SPPL3: variants seen among roughly 807,000 people sequenced by gnomAD.
SPPL3 encodes the protein signal peptide peptidase like 3.
SPPL3 carries 5 observed loss-of-function variants against 42.4 expected under a neutral mutation model. The ratio of observed to expected loss-of-function variants is 0.12; its 90% CI spans 0.06 to 0.25. The LOEUF (loss-of-function observed/expected upper bound fraction) is 0.25, where lower values mean the gene tolerates loss of function less well. SPPL3 is among the 10% of genes least tolerant of loss of function. The pLI, the probability that SPPL3 is intolerant of heterozygous loss-of-function variation, is 1.00. For missense variants in SPPL3, 235 were observed against 489.0 expected, an observed-to-expected ratio of 0.48 and a Z score of 4.90; for synonymous variants, 195 against 181.8, an observed-to-expected ratio of 1.07 and a Z score of -0.58.
chr12:120,838,227 T>C (rs1355863115), intron 1 of SPPL3, among the ~76,000 whole-genome samples: 1 of 152,206 alleles, frequency 6.6e-6, no homozygotes, highest in Non-Finnish European at 1.5e-5. Context: ...TGGTAGGTTA[T>C]CAGATACAGG....
chr12:120,881,021 C>T (rs1873261825), intron 1 of SPPL3, among the ~76,000 whole-genome samples: 1 of 151,834 alleles, frequency 6.6e-6, no homozygotes, highest in Non-Finnish European at 1.5e-5. Context: ...CCACTTCATA[C>T]CCATTAGGAT....
intron 1 of SPPL3, among the ~76,000 whole-genome samples, chr12:120,864,147 G>C (rs1313963479): frequency 1.3e-5 from 2 of 152,126 alleles, no homozygotes; most frequent in Admixed American, 1.3e-4. Flanking sequence ...TGTTTCCTCA[G>C]TTGTGAGCTC....
intron 6 of SPPL3, among the ~76,000 whole-genome samples, chr12:120,775,393 C>T (rs1306303765): frequency 6.6e-6 from 1 of 152,234 alleles, no homozygotes; most frequent in Non-Finnish European, 1.5e-5. Context: ...CTCAACTGAT[C>T]TGCCCACCTT....
intron 1 of SPPL3, among the ~76,000 whole-genome samples, chr12:120,828,983 G>T (rs1409683285): frequency 6.6e-6 from 1 of 152,106 alleles, no homozygotes; most frequent in Non-Finnish European, 1.5e-5. Context: ...GGCTGGTCAT[G>T]AGCTCCTGGG....
chr12:120,825,245 A>G (rs561465602), intron 1 of SPPL3, among the ~76,000 whole-genome samples: 1 of 152,364 alleles, frequency 6.6e-6, no homozygotes, highest in South Asian at 2.1e-4. Context: ...TTGAAAAACT[A>G]TATAATCCAG....
chr12:120,877,519 G>A (rs535511639), intron 1 of SPPL3, among the ~76,000 whole-genome samples: 51 of 152,234 alleles, frequency 3.4e-4, no homozygotes, highest in Middle Eastern at 3.4e-3. Context: ...GGTGGCTCGC[G>A]CCTGTAATCC....
At chr12:120,891,327 C>A (rs1450771425) in intron 1 of SPPL3, among the ~76,000 whole-genome samples, 3 of 152,068 alleles carry the variant, frequency 2.0e-5, no homozygotes, top group Non-Finnish European at 4.4e-5. Context: ...CTGGTTTATG[C>A]CTATTCCAGA....
intron 1 of SPPL3, among the ~76,000 whole-genome samples, chr12:120,892,569 T>C (rs1151864): frequency 0.28 from 43,254 of 151,822 alleles, 7,568 homozygotes; most frequent in Non-Finnish European, 0.4. Context: ...ACACGTAATA[T>C]TTAAAGGAAA....
intron 6 of SPPL3, among the ~76,000 whole-genome samples, chr12:120,776,430 G>A (rs1263588058): frequency 6.6e-6 from 1 of 152,102 alleles, no homozygotes; most frequent in African/African-American, 2.4e-5. Flanking sequence ...TTACAGAGAG[G>A]TGCTCACCCC....
chr12:120,811,616 A>G (rs1241152221), intron 1 of SPPL3, among the ~76,000 whole-genome samples: 1 of 152,142 alleles, frequency 6.6e-6, no homozygotes. Flanking sequence ...GGCTGTCTCC[A>G]TGAGTTCACC....
chr12:120,872,864 C>T (rs1872970477), intron 1 of SPPL3, among the ~76,000 whole-genome samples: 1 of 152,180 alleles, frequency 6.6e-6, no homozygotes. Flanking sequence ...AAGGATCAAA[C>T]TGATCCAAAC....
intron 1 of SPPL3, among the ~76,000 whole-genome samples, chr12:120,866,580 G>A (rs1872760525): frequency 6.6e-6 from 1 of 152,106 alleles, no homozygotes; most frequent in African/African-American, 2.4e-5. Context: ...TCAAAAAAAG[G>A]AAAGAATTTA....
At chr12:120,861,306 T>C (rs531303249) in intron 1 of SPPL3, among the ~76,000 whole-genome samples, 79 of 152,328 alleles carry the variant, frequency 5.2e-4, no homozygotes, top group African/African-American at 1.8e-3. Flanking sequence ...AGGTCAGATT[T>C]GGCTTGCAGG....
In SPPL3 at chr12:120,903,868, G is replaced by A. The variant is rs1593020395; in HGVS notation, c.-1C>T. The A allele has an allele frequency of 1.4e-5, 20 of 1,447,856 alleles. No individual in the cohort carries two copies. The East Asian group carries it at 6.0e-4, about 44-fold the overall frequency. 89.7% of individuals were successfully genotyped at this position (1,447,856 alleles called of 1,614,324 possible). A position where few individuals can be genotyped will look rare whatever the true frequency, so the allele number is the denominator to read the frequency against. On this transcript the variant is annotated 5_prime_UTR_variant, in exon 1 of 11. Transcript: ENST00000353487. ...ACCACGAGTAGGTCTGCTCCGCCAT[G>A]GCGCTGCCTCTCGTGGGCTCCGCTG... is the stretch of plus-strand genomic sequence containing the variant.
chr12:120,836,918 G>T (rs2137022569), intron 1 of SPPL3, among the ~76,000 whole-genome samples: 1 of 152,282 alleles, frequency 6.6e-6, no homozygotes, highest in East Asian at 1.9e-4. Context: ...TATCCTGATT[G>T]TGTTGTTAAG....
chr12:120,767,767 G>T (rs1438476089), intron 8 of SPPL3, among the ~76,000 whole-genome samples, 174 bp from the exon 9 acceptor site: 2 of 152,232 alleles, frequency 1.3e-5, no homozygotes, highest in African/African-American at 4.8e-5. Context: ...AGCTGCAACA[G>T]TACTGGCACT....
rs1555255308 is a variant in SPPL3, at chr12:120,903,742, C to CA, written c.23+102dup. 685 of 744,140 alleles carry CA rather than the reference C, an allele frequency of 9.2e-4. 7 individuals are homozygous for CA. The African/African-American group carries it at 0.012, about 13-fold the overall frequency. The allele number at this position is 744,140 out of a possible 1,614,324, so 46.1% of individuals were successfully genotyped here. ...TGCACCCCAACCCGCGCCCCCCCCC[C>CA]ACGACACGCACCTGTTCTTCCTCCT... On this transcript the variant is annotated intron_variant, in intron 1 of 10. Transcript: ENST00000353487.
intron 2 of SPPL3, among the ~76,000 whole-genome samples, chr12:120,806,196 G>A (rs1870483103): frequency 9.6e-6 from 1 of 103,956 alleles, no homozygotes; most frequent in Non-Finnish European, 2.0e-5. Flanking sequence ...TTTTATGGTC[G>A]ATTTTTTTTT....
intron 1 of SPPL3, among the ~76,000 whole-genome samples, chr12:120,886,787 A>C (rs1264909896): frequency 6.6e-6 from 1 of 152,152 alleles, no homozygotes; most frequent in African/African-American, 2.4e-5. Flanking sequence ...CAGATCATAC[A>C]TGTGAGCAAA....
Sources: gnomAD v4.1 joint callset for allele counts (sites outside exome capture counted in the v4.1 genomes callset) on GRCh38, gnomAD v4.1.1 for gene constraint, MANE v1.5 for transcripts, NCBI Gene and HGNC (gene_info 2026-07-23, HGNC 2026-07-21) for gene names.